EIF2AK4: variants seen among roughly 807,000 people sequenced by gnomAD.
EIF2AK4 encodes the protein eIF-2-alpha kinase GCN2.
A neutral mutation model predicts 211.1 loss-of-function variants in EIF2AK4; 139 were observed. That is an observed-to-expected ratio of 0.66 (90% CI 0.57 to 0.76). The LOEUF is 0.76. Ranked by LOEUF, EIF2AK4 falls within the 30% of genes least tolerant of loss-of-function variation. The pLI is 0.00. For synonymous variants in EIF2AK4, 710 were observed against 751.3 expected (o/e 0.94, Z 0.90); for missense variants, 1,664 against 2,043.8 (o/e 0.81, Z 3.58).
intron 7 of EIF2AK4, 70 bp from the exon 8 acceptor site, chr15:39,965,616 C>A: frequency 6.4e-7 from 1 of 1,553,990 alleles, no homozygotes; most frequent in Non-Finnish European, 8.8e-7. Context: ...TGTGTATTAC[C>A]CCCTCCCTTC....
At chr15:39,985,754 TG>T in intron 13 of EIF2AK4, 50 bp from the exon 14 acceptor site, 1 of 1,578,142 alleles carries the variant, frequency 6.3e-7, no homozygotes. Flanking sequence ...GTGATGATTT[TG>T]CTTAATTTTG....
At chr15:39,954,065 T>A (rs893992436) in intron 5 of EIF2AK4, 81 bp downstream of exon 5, 11 of 1,154,574 alleles carry the variant, frequency 9.5e-6, no homozygotes, top group Non-Finnish European at 2.4e-6. Flanking sequence ...TCTGTGTTAC[T>A]ATCAGTAATA....
intron 18 of EIF2AK4, among the ~76,000 whole-genome samples, chr15:39,993,162 G>A (rs571870853): frequency 3.8e-5 from 5 of 131,254 alleles, no homozygotes; most frequent in South Asian, 2.7e-4. Context: ...CCATCCACCC[G>A]TCCATCCACC....
At chr15:40,032,035 C>T (rs2035551085) in intron 35 of EIF2AK4, 134 bp from the exon 36 acceptor site, 1 of 822,544 alleles carries the variant, frequency 1.2e-6, no homozygotes, top group Non-Finnish European at 2.0e-6. Context: ...CAAGGGCAAA[C>T]CTTTAGACAC....
intron 29 of EIF2AK4, among the ~76,000 whole-genome samples, chr15:40,018,441 G>C (rs911880441): frequency 6.8e-6 from 1 of 146,204 alleles, no homozygotes; most frequent in East Asian, 1.9e-4. Flanking sequence ...GGCATTCTTT[G>C]ATTTTTTTTT....
rs2035380523 is a variant in EIF2AK4 at position 40,021,028 on chromosome 15, G to A, written c.4302+1G>A. On this transcript the variant is annotated splice_donor_variant, in intron 31 of 38. Transcript: ENST00000263791. LOFTEE classifies it high-confidence loss of function. ...AGAAATCATGTACGACTGGTCACAGGTAATGGGACAAAAAGCACCTGTGAG... is the reference window on the plus strand; with the variant it reads ...AGAAATCATGTACGACTGGTCACAGATAATGGGACAAAAAGCACCTGTGAG... The A allele has an allele frequency of 1.9e-6, 3 of 1,610,756 alleles. No individual in the cohort carries two copies. Among genetic ancestry groups the A allele is most frequent in the Non-Finnish European group, 2.5e-6 (3 of 1,178,618 alleles).
Position 39,972,970 on chromosome 15 carries a change from T to C in EIF2AK4, c.1616T>C (p.Ile539Thr). 2.5e-6 allele frequency: 4 copies of C among 1,614,114 alleles called. No individual in the cohort carries two copies. Among genetic ancestry groups the C allele is most frequent in the Non-Finnish European group, 3.4e-6 (4 of 1,180,004 alleles). Residue 539 changes from isoleucine (I) to threonine (T), a missense_variant, in exon 10 of 39, where the codon ATA (isoleucine) becomes ACA (threonine). Coordinates refer to ENST00000263791, the MANE Select transcript of EIF2AK4 (RefSeq NM_001013703.4). ...CAGCAGTTGTTGAAACACAGCTTTATAAATCCCCAGCCAAAAATGCCTCTA... is the reference window on the plus strand; with the variant it reads ...CAGCAGTTGTTGAAACACAGCTTTACAAATCCCCAGCCAAAAATGCCTCTA... Reference protein sequence around the residue: ...SPQQLLKHSFINPQPKMPLVE... With the variant: ...SPQQLLKHSFTNPQPKMPLVE...
intron 6 of EIF2AK4, among the ~76,000 whole-genome samples, chr15:39,958,604 G>A (rs2034424238): frequency 6.6e-6 from 1 of 152,146 alleles, no homozygotes; most frequent in Admixed American, 6.5e-5. Flanking sequence ...GTTCCATGGA[G>A]GCATAGACTG....
chr15:39,961,752 G>C, intron 6 of EIF2AK4, 32 bp from the exon 7 acceptor site: 3 of 1,527,750 alleles, frequency 2.0e-6, no homozygotes, highest in Non-Finnish European at 2.7e-6. Flanking sequence ...AAAAATGATT[G>C]TTCAAATGTA....
At position 40,035,400 on chromosome 15, in the gene EIF2AK4, G is replaced by A. The variant is rs2035602708; in HGVS notation, c.*316G>A. On this transcript the variant is annotated 3_prime_UTR_variant, in exon 39 of 39. Coordinates refer to ENST00000263791, the MANE Select transcript of EIF2AK4 (RefSeq NM_001013703.4). Reference sequence around the variant, plus strand: ...TGGATCATCTGAGCCTCAGGAGGTTGAGGCTGCAGTGAGCTGTGACTGCGC... The same window carrying A: ...TGGATCATCTGAGCCTCAGGAGGTTAAGGCTGCAGTGAGCTGTGACTGCGC... The A allele has an allele frequency of 5.5e-6, 1 of 180,620 alleles. No homozygotes were observed. Among genetic ancestry groups the A allele is most frequent in the Non-Finnish European group, 1.1e-5 (1 of 88,088 alleles). The allele number at this position is 180,620 out of a possible 1,614,324, so 11.2% of individuals were successfully genotyped here.
chr15:39,967,937 T>A, intron 9 of EIF2AK4, 58 bp downstream of exon 9: 1 of 1,542,672 alleles, frequency 6.5e-7, no homozygotes, highest in African/African-American at 1.4e-5. Context: ...TTGATTGTGC[T>A]GGAGTGTGCC....
intron 18 of EIF2AK4, among the ~76,000 whole-genome samples, chr15:39,993,076 T>TTCATC (rs2034968984): frequency 1.8e-4 from 12 of 66,530 alleles, no homozygotes; most frequent in Admixed American, 1.3e-3. Context: ...ATCCATCCAT[T>TTCATC]CATCCATCCA....
At chr15:39,954,283 C>T (rs993935637) in intron 5 of EIF2AK4, among the ~76,000 whole-genome samples, 1 of 152,192 alleles carries the variant, frequency 6.6e-6, no homozygotes, top group African/African-American at 2.4e-5. Context: ...GACAGAGTCT[C>T]ATTCTGTCGC....
At chr15:39,973,921 C>A in intron 11 of EIF2AK4, 172 bp downstream of exon 11, 1 of 636,034 alleles carries the variant, frequency 1.6e-6, no homozygotes, top group Non-Finnish European at 2.6e-6. Flanking sequence ...TTAAGTTACG[C>A]TGGACACAGT....
chr15:39,995,586 A>G (rs2035007956), intron 18 of EIF2AK4, among the ~76,000 whole-genome samples: 1 of 151,370 alleles, frequency 6.6e-6, no homozygotes, highest in Admixed American at 6.6e-5. Flanking sequence ...TTTTCTTTTT[A>G]TTGTAGATAC....
chr15:40,003,370 G>A, intron 23 of EIF2AK4, 56 bp downstream of exon 23: 6 of 1,595,926 alleles, frequency 3.8e-6, no homozygotes, highest in Admixed American at 1.7e-5. Context: ...TCACAGGGAT[G>A]GCATCTCTGT....
At chr15:40,023,618 G>GCTC in intron 32 of EIF2AK4, among the ~76,000 whole-genome samples, 1 of 152,278 alleles carries the variant, frequency 6.6e-6, no homozygotes, top group East Asian at 1.9e-4. Flanking sequence ...CTGCAGTGAT[G>GCTC]CTCCCTCCTT....
intron 1 of EIF2AK4, among the ~76,000 whole-genome samples, chr15:39,936,315 T>C (rs1295382424): frequency 1.3e-5 from 2 of 152,146 alleles, no homozygotes; most frequent in Non-Finnish European, 2.9e-5. Context: ...AGGCAAATAA[T>C]TGATGGTCTC....
At chr15:40,017,265 T>C in intron 29 of EIF2AK4, 23 bp downstream of exon 29, 1 of 1,586,666 alleles carries the variant, frequency 6.3e-7, no homozygotes, top group Non-Finnish European at 8.6e-7. Flanking sequence ...CCTTTATTTA[T>C]TTGCTCTGAC....
Sources: allele counts gnomAD v4.1 joint callset (sites outside exome capture counted in the v4.1 genomes callset), GRCh38; gene constraint gnomAD v4.1.1; transcripts MANE v1.5; gene names NCBI Gene and HGNC (gene_info 2026-07-23, HGNC 2026-07-21).